SYN3: variants seen among roughly 807,000 people sequenced by gnomAD.
SYN3 encodes synapsin-3.
SYN3 carries 35 observed loss-of-function variants against 65.8 expected under a neutral mutation model. That is an observed-to-expected ratio of 0.53 (90% confidence interval 0.41 to 0.70). SYN3 has a LOEUF of 0.70. Among genes scored for constraint, SYN3 ranks in the 30% least tolerant of loss-of-function variants. SYN3 has a pLI of 0.00. For missense variants in SYN3, 680 were observed against 749.0 expected (o/e 0.91, Z 1.08); for synonymous variants, 270 against 292.9 (o/e 0.92, Z 0.80).
intron 6 of SYN3, among the ~76,000 whole-genome samples, chr22:32,777,136 CTG>C (rs2045926404): frequency 6.6e-6 from 1 of 152,198 alleles, no homozygotes; most frequent in Non-Finnish European, 1.5e-5. Context: ...ATTTCTTTAG[CTG>C]TAATGACTCC....
intron 6 of SYN3, chr22:32,860,588 T>C (rs1601565040): frequency 6.5e-6 from 1 of 152,746 alleles, no homozygotes; most frequent in East Asian, 1.9e-4. Flanking sequence ...GCACCCTCTC[T>C]TCCCTATCAT....
chr22:32,624,262 G>A (rs1481878105), intron 6 of SYN3, among the ~76,000 whole-genome samples: 1 of 152,160 alleles, frequency 6.6e-6, no homozygotes, highest in Non-Finnish European at 1.5e-5. Context: ...TGGGGGCTCT[G>A]GAGTGAATTG....
At chr22:32,980,457 T>G (rs1870114459) in intron 3 of SYN3, among the ~76,000 whole-genome samples, 188 bp downstream of exon 3, 1 of 152,182 alleles carries the variant, frequency 6.6e-6, no homozygotes, top group African/African-American at 2.4e-5. Flanking sequence ...TGCTAAAACA[T>G]AAAAGGTTGG....
chr22:32,550,145 T>G (rs2058391275), intron 7 of SYN3, among the ~76,000 whole-genome samples: 1 of 152,264 alleles, frequency 6.6e-6, no homozygotes, highest in Admixed American at 6.5e-5. Context: ...TGGCTTAAAC[T>G]TACAGAGAAG....
intron 1 of SYN3, among the ~76,000 whole-genome samples, chr22:33,029,487 A>C (rs1243722402): frequency 1.3e-5 from 2 of 152,070 alleles, no homozygotes; most frequent in Non-Finnish European, 2.9e-5. Flanking sequence ...CCAACCCTAA[A>C]AATGATAAAT....
intron 6 of SYN3, among the ~76,000 whole-genome samples, chr22:32,620,882 G>A (rs1220817273): frequency 6.6e-6 from 1 of 152,120 alleles, no homozygotes; most frequent in Non-Finnish European, 1.5e-5. Context: ...ACCAAGTCCA[G>A]CTAAGTTTTG....
In SYN3 at chr22:32,693,878, C is replaced by T. The variant is rs949559995; in HGVS notation, c.712-97142G>A. ...GATTACAGGCATGAGCCACTGTGCC[C>T]GGCCTGTAACTTATACTTTTATTGA... On this transcript the variant is annotated intron_variant, in intron 6 of 13. Transcript: ENST00000358763. Among the ~76,000 whole-genome samples, 633 of 151,856 alleles carry T rather than the reference C, an allele frequency of 4.2e-3. 8 individuals carry two copies. The highest frequency in any genetic ancestry group is 0.015 in the African/African-American group (609 of 41,474).
At chr22:32,992,046 C>T (rs1005360179) in intron 2 of SYN3, among the ~76,000 whole-genome samples, 8 of 152,188 alleles carry the variant, frequency 5.3e-5, no homozygotes, top group Admixed American at 2.0e-4. Context: ...CCCGTGCATC[C>T]GAGGGACTCT....
chr22:33,008,941 AAAAAAAAAAAAAAAAAAAAAAAG>A (rs1337554131), intron 1 of SYN3, among the ~76,000 whole-genome samples: 836 of 80,892 alleles, frequency 0.01, 30 homozygotes, highest in African/African-American at 0.046. Context: ...AAAAAAAAAA[AAAAAAAAAAAAAAAAAAAAAAAG>A]AGAGAGAGAG....
chr22:32,890,221 G>A (rs1182437581), intron 4 of SYN3, among the ~76,000 whole-genome samples: 2 of 151,512 alleles, frequency 1.3e-5, no homozygotes, highest in African/African-American at 4.9e-5. Flanking sequence ...TGGGACTACA[G>A]GTGTGTGCTA....
At chr22:33,041,914 T>G (rs1172085273) in intron 1 of SYN3, among the ~76,000 whole-genome samples, 1 of 152,170 alleles carries the variant, frequency 6.6e-6, no homozygotes, top group Non-Finnish European at 1.5e-5. Flanking sequence ...TACTCCTGCA[T>G]TACCTGGAGG....
intron 6 of SYN3, among the ~76,000 whole-genome samples, chr22:32,792,029 A>T (rs971007276): frequency 1.3e-5 from 2 of 152,176 alleles, no homozygotes; most frequent in African/African-American, 4.8e-5. Context: ...ATTCACCTTT[A>T]TACCCCTGGG....
Position 32,708,977 on chromosome 22 carries a change from T to G in SYN3, c.712-112241A>C, listed in dbSNP as rs58628000. ...GGCCTGGCATGGAAGAGAGAATCACTCGAGCCCTGCGGGGCAGTGATGGGA... is the reference window on the plus strand; with the variant it reads ...GGCCTGGCATGGAAGAGAGAATCACGCGAGCCCTGCGGGGCAGTGATGGGA... On this transcript the variant is annotated intron_variant, in intron 6 of 13. Transcript: ENST00000358763. Among the ~76,000 whole-genome samples the G allele has an allele frequency of 3.9e-3, 588 of 152,200 alleles. 9 individuals are homozygous for G. The highest frequency in any genetic ancestry group is 0.013 in the African/African-American group (556 of 41,556).
At chr22:32,688,138 G>C (rs1274003574) in intron 6 of SYN3, among the ~76,000 whole-genome samples, 1 of 152,156 alleles carries the variant, frequency 6.6e-6, no homozygotes, top group African/African-American at 2.4e-5. Context: ...AAACGCTTAC[G>C]TCTATATACA....
chr22:32,708,370 C>T (rs1569163329), intron 6 of SYN3, among the ~76,000 whole-genome samples: 1 of 152,192 alleles, frequency 6.6e-6, no homozygotes, highest in Non-Finnish European at 1.5e-5. Flanking sequence ...CCAGGCGGCC[C>T]ATTCCCACCA....
intron 6 of SYN3, among the ~76,000 whole-genome samples, chr22:32,627,569 T>C (rs2059685792): frequency 6.6e-6 from 1 of 151,882 alleles, no homozygotes; most frequent in African/African-American, 2.4e-5. Context: ...CTCCCAAACC[T>C]AACCACAGAG....
chr22:32,643,343 G>C (rs1435745455), intron 6 of SYN3, among the ~76,000 whole-genome samples: 1 of 152,086 alleles, frequency 6.6e-6, no homozygotes, highest in Non-Finnish European at 1.5e-5. Flanking sequence ...CTGCCAAAGT[G>C]CTGGGATTAC....
intron 1 of SYN3, among the ~76,000 whole-genome samples, chr22:33,022,287 C>A (rs2053573480): frequency 6.6e-6 from 1 of 152,200 alleles, no homozygotes; most frequent in Non-Finnish European, 1.5e-5. Flanking sequence ...TGGGCTTTAG[C>A]AATGTATTAA....
chr22:32,747,015 G>A (rs2044954188), intron 6 of SYN3, among the ~76,000 whole-genome samples: 1 of 152,166 alleles, frequency 6.6e-6, no homozygotes, highest in Non-Finnish European at 1.5e-5. Flanking sequence ...AGACTCCCTG[G>A]CTGGAGGGAG....
Sources: gnomAD v4.1 joint callset for allele counts (sites outside exome capture counted in the v4.1 genomes callset) on GRCh38, gnomAD v4.1.1 for gene constraint, MANE v1.5 for transcripts, NCBI Gene and HGNC (gene_info 2026-07-23, HGNC 2026-07-21) for gene names.